Variants in EPB41L3 observed in about 807,000 individuals in gnomAD.
EPB41L3 encodes the protein band 4.1-like protein 3.
In EPB41L3, 57 loss-of-function variants were observed where a neutral mutation model predicts 127.1. The observed-to-expected ratio is 0.45, with a 90% CI of 0.36 to 0.56. The LOEUF is 0.56. Among genes scored for constraint, EPB41L3 ranks in the 20% least tolerant of loss-of-function variants. The pLI, the probability that EPB41L3 is intolerant of heterozygous loss-of-function variation, is 0.00. For synonymous variants in EPB41L3, 572 were observed against 549.5 expected, an observed-to-expected ratio of 1.04 and a Z score of -0.57; for missense variants, 1,273 against 1,372.2, an observed-to-expected ratio of 0.93 and a Z score of 1.14.
intron 1 of EPB41L3, among the ~76,000 whole-genome samples, chr18:5,512,512 C>T (rs1046415161): frequency 1.3e-5 from 2 of 152,154 alleles, no homozygotes; most frequent in South Asian, 2.1e-4. Flanking sequence ...CAATGGAGAA[C>T]GAGTTCAAGA....
intron 11 of EPB41L3, 173 bp from the exon 12 acceptor site, chr18:5,420,050 C>T: frequency 7.1e-7 from 1 of 1,410,280 alleles, no homozygotes; most frequent in Non-Finnish European, 9.3e-7. Flanking sequence ...ACCAGGTTTG[C>T]CTTGAAAAAA....
chr18:5,398,231 G>A lies in EPB41L3; in HGVS notation c.2350-88C>T, dbSNP rs79165482. 9.2e-5 allele frequency: 136 copies of A among 1,484,682 alleles called. No homozygotes were observed. The East Asian group carries it at 2.2e-3, about 24-fold the overall frequency. The allele number at this position is 1,484,682 out of a possible 1,614,324, so 92.0% of individuals were successfully genotyped here. Reference sequence around the variant, plus strand: ...CATTCACAGCTTGTTAGACAAAATCGTAGGCAGAGGAGACAGGGAGGAGGA... The same window carrying A: ...CATTCACAGCTTGTTAGACAAAATCATAGGCAGAGGAGACAGGGAGGAGGA... On this transcript the variant is annotated intron_variant, in intron 16 of 22. Transcript: ENST00000341928.
chr18:5,532,827 A>G (rs1019641216), intron 1 of EPB41L3, among the ~76,000 whole-genome samples: 6 of 152,032 alleles, frequency 3.9e-5, no homozygotes, highest in African/African-American at 1.2e-4. Flanking sequence ...GCCCTTACAC[A>G]CTCTAATATG....
At chr18:5,538,655 T>C (rs113491310) in intron 1 of EPB41L3, among the ~76,000 whole-genome samples, 27 of 152,308 alleles carry the variant, frequency 1.8e-4, no homozygotes, top group African/African-American at 6.0e-4. Context: ...CCAGCACTAA[T>C]CCTTTTCAGC....
At chr18:5,481,240 C>A (rs183161175) in intron 2 of EPB41L3, among the ~76,000 whole-genome samples, 6 of 152,268 alleles carry the variant, frequency 3.9e-5, no homozygotes, top group Non-Finnish European at 7.4e-5. Context: ...TTTCCCTCCT[C>A]CCATCCCTCC....
intron 2 of EPB41L3, among the ~76,000 whole-genome samples, chr18:5,483,707 G>A (rs190202263): frequency 2.6e-5 from 4 of 151,956 alleles, no homozygotes; most frequent in Admixed American, 2.0e-4. Flanking sequence ...ACAAATCTAA[G>A]ACTAAAATGA....
At chr18:5,531,091 G>A (rs1383442806) in intron 1 of EPB41L3, among the ~76,000 whole-genome samples, 1 of 152,190 alleles carries the variant, frequency 6.6e-6, no homozygotes, top group Admixed American at 6.5e-5. Flanking sequence ...CTTACAGTTT[G>A]AAAAGTGCTT....
intron 1 of EPB41L3, among the ~76,000 whole-genome samples, chr18:5,627,369 G>C (rs2094933676): frequency 6.6e-6 from 1 of 152,148 alleles, no homozygotes; most frequent in African/African-American, 2.4e-5. Context: ...AAACACTTCT[G>C]AAAGTAGTGA....
intron 8 of EPB41L3, among the ~76,000 whole-genome samples, chr18:5,431,055 T>C (rs1327174110): frequency 1.3e-5 from 2 of 152,186 alleles, no homozygotes; most frequent in Admixed American, 6.5e-5. Context: ...TCCTGCTCTG[T>C]GGTATATCCT....
intron 16 of EPB41L3, chr18:5,398,825 G>A (rs2074025094): frequency 2.5e-6 from 1 of 399,320 alleles, no homozygotes; most frequent in East Asian, 3.6e-5. Context: ...TGCCTTCCAG[G>A]CCAGGGAGGA....
At chr18:5,399,314 C>T (rs919205073) in intron 16 of EPB41L3, 19 of 398,914 alleles carry the variant, frequency 4.8e-5, no homozygotes, top group African/African-American at 3.5e-4. Context: ...CCTTGTAAGT[C>T]ACAATCTTTT....
chr18:5,484,531 A>G (rs1328426440), intron 2 of EPB41L3, among the ~76,000 whole-genome samples: 3 of 151,066 alleles, frequency 2.0e-5, no homozygotes, highest in Admixed American at 2.0e-4. Flanking sequence ...AAAAAAAAAT[A>G]CAGAAGATCA....
At chr18:5,402,645 T>C (rs1046904873) in intron 16 of EPB41L3, among the ~76,000 whole-genome samples, 1 of 152,168 alleles carries the variant, frequency 6.6e-6, no homozygotes, top group Non-Finnish European at 1.5e-5. Flanking sequence ...GCCTAGTTAA[T>C]AGAGAAGTGA....
In EPB41L3 at chr18:5,434,031, A is replaced by G. The variant is rs375531382; in HGVS notation, c.696T>C (p.Thr232=). The change falls in exon 7 of 23, where the codon ACT becomes ACC. Residue 232 remains threonine (T), a synonymous_variant. Transcript: ENST00000341928. The stretch of plus-strand genomic sequence containing the variant: ...CATAGTCTCCGAGCTCTGACTGGAC[A>G]GTGTAGGAGCCCAGCAAGGCCAGGG... ...FVTLALLGSY[T]VQSELGDYDP... 46 of 1,614,042 alleles carry G rather than the reference A, an allele frequency of 2.8e-5. No individual in the cohort carries two copies. Among genetic ancestry groups the G allele is most frequent in the South Asian group, 8.8e-5 (8 of 91,082 alleles).
chr18:5,499,966 C>T (rs2091590138), intron 1 of EPB41L3, among the ~76,000 whole-genome samples: 1 of 151,932 alleles, frequency 6.6e-6, no homozygotes, highest in Admixed American at 6.6e-5. Context: ...AATAAACGCT[C>T]ACTGTTGTTT....
chr18:5,403,190 C>T (rs2074792608), intron 16 of EPB41L3, among the ~76,000 whole-genome samples: 1 of 152,162 alleles, frequency 6.6e-6, no homozygotes, highest in Non-Finnish European at 1.5e-5. Flanking sequence ...TACCACATGT[C>T]TACCCTTCCT....
At chr18:5,502,403 A>G (rs2091823965) in intron 1 of EPB41L3, among the ~76,000 whole-genome samples, 1 of 152,152 alleles carries the variant, frequency 6.6e-6, no homozygotes, top group Non-Finnish European at 1.5e-5. Flanking sequence ...AATCACAGCA[A>G]ACCCTGCTTC....
intron 1 of EPB41L3, among the ~76,000 whole-genome samples, chr18:5,522,450 A>G (rs959542509): frequency 1.4e-4 from 22 of 152,284 alleles, no homozygotes; most frequent in African/African-American, 5.3e-4. Context: ...AACTTCCATG[A>G]TAGTCATCAT....
At chr18:5,427,504 TAAAAC>T (rs970749201) in intron 9 of EPB41L3, among the ~76,000 whole-genome samples, 5 of 150,684 alleles carry the variant, frequency 3.3e-5, no homozygotes, top group African/African-American at 4.9e-5. Context: ...TTCTCTGACT[TAAAAC>T]AAACAAACAA....
Sources: allele counts gnomAD v4.1 joint callset (sites outside exome capture counted in the v4.1 genomes callset), GRCh38; gene constraint gnomAD v4.1.1; transcripts MANE v1.5; gene names NCBI Gene and HGNC (gene_info 2026-07-23, HGNC 2026-07-21).